Variants in SOBP observed in about 807,000 individuals in gnomAD.
The protein encoded by SOBP is sine oculis-binding protein homolog.
Under a neutral mutation model 53.6 loss-of-function variants are expected in SOBP, and 4 were observed. That is an observed-to-expected ratio of 0.07 (90% CI 0.04 to 0.17). The LOEUF (loss-of-function observed/expected upper bound fraction) is 0.17, where lower values mean the gene tolerates loss of function less well. Ranked by LOEUF, SOBP falls within the 10% of genes least tolerant of loss-of-function variation. The pLI is 1.00. For synonymous variants in SOBP, 584 were observed against 522.6 expected (o/e 1.12, Z -1.60); for missense variants, 1,088 against 1,204.7 (o/e 0.90, Z 1.43).
chr6:107,579,729 C>G (rs977153788), intron 4 of SOBP, among the ~76,000 whole-genome samples: 9 of 152,208 alleles, frequency 5.9e-5, no homozygotes, highest in African/African-American at 2.2e-4. Flanking sequence ...AAACATGATT[C>G]GATTCCCATT....
rs113276581 is a variant in SOBP, at chr6:107,581,266, G to T, written c.574-5814G>T. Reference sequence around the variant, plus strand: ...TCACTGATGGCTTCCTAAAGGAGCTGCAGTCTGAACGAAGGCTTAAAGGTC... The same window carrying T: ...TCACTGATGGCTTCCTAAAGGAGCTTCAGTCTGAACGAAGGCTTAAAGGTC... On this transcript the variant is annotated intron_variant, in intron 4 of 6. Transcript: ENST00000317357. Among the ~76,000 whole-genome samples the T allele has an allele frequency of 7.0e-3, 1,069 of 152,328 alleles. 16 individuals carry two copies. Among genetic ancestry groups the T allele is most frequent in the African/African-American group, 0.024 (1,011 of 41,560 alleles).
chr6:107,555,882 C>G (rs964521048), intron 4 of SOBP, among the ~76,000 whole-genome samples: 1 of 152,186 alleles, frequency 6.6e-6, no homozygotes, highest in African/African-American at 2.4e-5. Flanking sequence ...TTTGTCTCCT[C>G]AAGAACTCTC....
chr6:107,544,224 A>G (rs1193639780), intron 4 of SOBP, among the ~76,000 whole-genome samples: 6 of 152,234 alleles, frequency 3.9e-5, no homozygotes, highest in Non-Finnish European at 7.3e-5. Flanking sequence ...AGAAGTGTTC[A>G]GAAGAATTGT....
At chr6:107,571,694 G>T (rs1282075836) in intron 4 of SOBP, among the ~76,000 whole-genome samples, 4 of 152,186 alleles carry the variant, frequency 2.6e-5, no homozygotes, top group Admixed American at 2.0e-4. Context: ...TCTCCGTGGA[G>T]TCTTTTCCAT....
At chr6:107,525,092 A>G (rs1028766899) in intron 3 of SOBP, among the ~76,000 whole-genome samples, 2 of 152,214 alleles carry the variant, frequency 1.3e-5, no homozygotes, top group Non-Finnish European at 2.9e-5. Context: ...CTATGGGCTT[A>G]GTGTTCTGTG....
At chr6:107,492,591 G>A (rs1782606990) in intron 1 of SOBP, among the ~76,000 whole-genome samples, 2 of 152,192 alleles carry the variant, frequency 1.3e-5, no homozygotes, top group Admixed American at 6.5e-5. Flanking sequence ...CAGTATAACA[G>A]ATGTTTGTCT....
chr6:107,528,952 A>G (rs1783743679), intron 3 of SOBP, among the ~76,000 whole-genome samples: 1 of 152,226 alleles, frequency 6.6e-6, no homozygotes, highest in Non-Finnish European at 1.5e-5. Flanking sequence ...AATGGAGATT[A>G]ATGTTAGTAA....
intron 4 of SOBP, among the ~76,000 whole-genome samples, chr6:107,546,971 G>C (rs889943712): frequency 2.6e-5 from 4 of 152,258 alleles, no homozygotes; most frequent in Admixed American, 2.6e-4. Context: ...CCTCAGGGTA[G>C]AGAAATTAAT....
chr6:107,521,614 T>A (rs1413430312), intron 3 of SOBP, among the ~76,000 whole-genome samples: 1 of 152,192 alleles, frequency 6.6e-6, no homozygotes, highest in Non-Finnish European at 1.5e-5. Flanking sequence ...CTGGTGAACA[T>A]TTGGGTTGTT....
In SOBP at chr6:107,634,212, A is replaced by G. The variant is rs1770859731; in HGVS notation, c.1368A>G (p.Leu456=). ...CCAGCCCCATGCACCGGCCCATGCT[A>G]TCGCCCCACATCCACCCCCCGAGCA... ...PTSSPMHRPM[L]SPHIHPPSTP... Residue 456 remains leucine, a synonymous_variant, in exon 6 of 7, where the codon CTA becomes CTG. Transcript: ENST00000317357. This position sits in a 1 kb window ranked among gnomAD's most constrained non-coding sequence, Gnocchi z 4.5. The G allele has an allele frequency of 2.5e-6, 4 of 1,597,800 alleles. No individual in the cohort carries two copies. The highest frequency in any genetic ancestry group is 1.3e-5 in the African/African-American group (1 of 74,634).
At chr6:107,578,807 G>A (rs1785316868) in intron 4 of SOBP, among the ~76,000 whole-genome samples, 2 of 152,094 alleles carry the variant, frequency 1.3e-5, no homozygotes, top group Admixed American at 6.5e-5. Flanking sequence ...TATTTCTGGG[G>A]GAGGCATCCT....
chr6:107,653,229 T>G (rs539521624), intron 6 of SOBP, among the ~76,000 whole-genome samples: 38 of 152,274 alleles, frequency 2.5e-4, no homozygotes, highest in South Asian at 8.3e-4. Flanking sequence ...CTTCCTGGGA[T>G]GGGTTTGGTG....
intron 5 of SOBP, among the ~76,000 whole-genome samples, chr6:107,611,908 G>T (rs149195247): frequency 4.6e-5 from 7 of 152,314 alleles, no homozygotes; most frequent in African/African-American, 1.4e-4. Flanking sequence ...TCCCAGAAAC[G>T]TGAGCTCTGG....
At chr6:107,506,598 A>G (rs1165224780) in intron 3 of SOBP, among the ~76,000 whole-genome samples, 171 bp downstream of exon 3, 2 of 152,222 alleles carry the variant, frequency 1.3e-5, no homozygotes, top group Non-Finnish European at 2.9e-5. Context: ...TTACATTAGG[A>G]AAATTTCCCT....
intron 5 of SOBP, among the ~76,000 whole-genome samples, chr6:107,614,376 A>G (rs1173363235): frequency 2.0e-5 from 3 of 152,150 alleles, no homozygotes; most frequent in Non-Finnish European, 4.4e-5. Flanking sequence ...CTTAAAAAAT[A>G]TATATATGAA....
At chr6:107,551,386 T>C (rs773752335) in intron 4 of SOBP, among the ~76,000 whole-genome samples, 9 of 152,164 alleles carry the variant, frequency 5.9e-5, no homozygotes, top group Non-Finnish European at 1.2e-4. Context: ...TATGAACCAG[T>C]AGTAAAAAAT....
chr6:107,502,817 G>C (rs1782878484), intron 1 of SOBP, among the ~76,000 whole-genome samples: 1 of 152,008 alleles, frequency 6.6e-6, no homozygotes, highest in Non-Finnish European at 1.5e-5. Flanking sequence ...CTGGAGTGCA[G>C]TGGTGTGATC....
chr6:107,576,911 T>C (rs1452133216), intron 4 of SOBP, among the ~76,000 whole-genome samples: 2 of 152,230 alleles, frequency 1.3e-5, no homozygotes, highest in Non-Finnish European at 2.9e-5. Flanking sequence ...ATAACAATTG[T>C]GACATCATGT....
At chr6:107,631,161 A>C (rs1770699186) in intron 5 of SOBP, among the ~76,000 whole-genome samples, 2 of 152,332 alleles carry the variant, frequency 1.3e-5, no homozygotes, top group South Asian at 4.1e-4. Context: ...TCAATCTGGC[A>C]ATTTAAAAAC....
Sources: allele counts gnomAD v4.1 joint callset (sites outside exome capture counted in the v4.1 genomes callset), GRCh38; gene constraint gnomAD v4.1.1; non-coding constraint Gnocchi (gnomAD v3.1); transcripts MANE v1.5; gene names NCBI Gene and HGNC (gene_info 2026-07-23, HGNC 2026-07-21).